CEP78: variants seen among roughly 807,000 people sequenced by gnomAD.
CEP78 encodes centrosomal protein of 78 kDa.
A neutral mutation model predicts 81.2 loss-of-function variants in CEP78; 76 were observed. That is an observed-to-expected ratio of 0.94 (90% CI 0.78 to 1.13). The LOEUF is 1.13. Among genes scored for constraint, CEP78 ranks in the 50% most tolerant of loss-of-function variants. The pLI is 0.00. For missense variants in CEP78, 918 were observed against 846.8 expected, an observed-to-expected ratio of 1.08 and a Z score of -1.04; for synonymous variants, 293 against 301.4, an observed-to-expected ratio of 0.97 and a Z score of 0.29.
At position 78,262,852 on chromosome 9, in the gene CEP78, T is replaced by A; in HGVS notation, c.1381-55T>A. 2.7e-6 allele frequency: 3 copies of A among 1,120,830 alleles called. No individual in the cohort carries two copies. In the South Asian group the frequency reaches 4.6e-5, roughly 17 times the overall value. The allele number at this position is 1,120,830 out of a possible 1,614,324, so 69.4% of individuals were successfully genotyped here. ...TGGTGAGCTCAACAGCTGGAAGAGT[T>A]TTGGGGATCATATTGGGAATTAATT... On this transcript the variant is annotated intron_variant, in intron 11 of 16. Coordinates refer to ENST00000643273, the MANE Select transcript of CEP78 (RefSeq NM_001330691.3).
At chr9:78,267,027 GTTTTTACCTTTAAA>G in intron 16 of CEP78, 1 of 1,268,796 alleles carries the variant, frequency 7.9e-7, no homozygotes. Flanking sequence ...TTGAAACTAT[GTTTTTACCTTTAAA>G]TTTTAATAAA....
At chr9:78,250,867 G>A (rs10867167) in intron 8 of CEP78, among the ~76,000 whole-genome samples, 22,022 of 152,138 alleles carry the variant, frequency 0.14, 2,165 homozygotes, top group Admixed American at 0.26. Context: ...TATAAGACGT[G>A]TATAAATTTG....
At chr9:78,236,626 G>A (rs1245156802) in intron 1 of CEP78, 23 bp downstream of exon 1, 2 of 1,517,862 alleles carry the variant, frequency 1.3e-6, no homozygotes, top group East Asian at 4.6e-5. Context: ...CGCCTCCAGG[G>A]CCCCTCAGTC....
At chr9:78,243,113 A>G (rs1826308694) in intron 4 of CEP78, among the ~76,000 whole-genome samples, 1 of 152,190 alleles carries the variant, frequency 6.6e-6, no homozygotes. Flanking sequence ...GGACAGAATG[A>G]TATGATTTAG....
rs1402786672 is a variant in CEP78, at chr9:78,236,501, C to T, written c.151C>T (p.Arg51Cys). The T allele has an allele frequency of 3.7e-6, 6 of 1,607,062 alleles. No homozygotes were observed. The highest frequency in any genetic ancestry group is 1.7e-5 in the Admixed American group (1 of 59,200). ...GCTGGATTTCAACGCCGACCGCCTC[C>T]GCGGGGTGGACTGGGCGCCTCTGCT... ...GVLDFNADRL[R>C]GVDWAPLLST... The change falls in exon 1 of 17, where the codon CGC becomes TGC. Residue 51 changes from arginine to cysteine, a missense_variant. Transcript: ENST00000643273.
At chr9:78,257,372 A>T (rs1457440296) in intron 11 of CEP78, among the ~76,000 whole-genome samples, 1 of 152,214 alleles carries the variant, frequency 6.6e-6, no homozygotes, top group African/African-American at 2.4e-5. Context: ...GGGGCTGAAT[A>T]GGACATTTTG....
intron 3 of CEP78, 78 bp downstream of exon 3, chr9:78,240,442 T>A: frequency 1.6e-6 from 2 of 1,226,076 alleles, no homozygotes; most frequent in Non-Finnish European, 2.4e-6. Context: ...AATTCCTGTC[T>A]GTACCTTTTT....
Position 78,274,003 on chromosome 9 carries a change from C to T in CEP78, c.*3152C>T, listed in dbSNP as rs938156448. The T allele has an allele frequency of 1.3e-5, 2 of 152,208 alleles. No homozygotes were observed. Among genetic ancestry groups the T allele is most frequent in the Non-Finnish European group, 2.9e-5 (2 of 68,044 alleles). The allele number at this position is 152,208 out of a possible 1,614,324, so 9.4% of individuals were successfully genotyped here. ...GTTTGGCAGATTCTTTAAATGCTAA[C>T]ATACACATACCATATGACCAAGCAG... On this transcript the variant is annotated 3_prime_UTR_variant, in exon 17 of 17. Transcript: ENST00000643273.
At chr9:78,237,415 A>T (rs902369504) in intron 1 of CEP78, among the ~76,000 whole-genome samples, 5 of 152,232 alleles carry the variant, frequency 3.3e-5, no homozygotes, top group African/African-American at 1.2e-4. Context: ...GTCAACTATG[A>T]TATATGACAA....
intron 11 of CEP78, among the ~76,000 whole-genome samples, chr9:78,257,669 T>A (rs1001461767): frequency 6.6e-6 from 1 of 152,114 alleles, no homozygotes. Flanking sequence ...TCTGTTGGCA[T>A]GAACATAAAA....
At chr9:78,236,740 TA>T in intron 1 of CEP78, 137 bp downstream of exon 1, 2 of 1,157,534 alleles carry the variant, frequency 1.7e-6, no homozygotes, top group Non-Finnish European at 2.3e-6. Context: ...GTGAGTGGCT[TA>T]AGGTCTCTAG....
chr9:78,265,526 C>T lies in CEP78; in HGVS notation c.1780C>T (p.Gln594Ter). The change falls in exon 14 of 17, where the codon CAA (glutamine) becomes TAA (stop). Residue 594 changes from glutamine to a stop codon, truncating the protein, a stop_gained. Transcript: ENST00000643273. LOFTEE classifies it high-confidence loss of function. ...KPEPKQNALGQMQNIQVSICM... is the reference protein window; with the variant it reads ...KPEPKQNALG The stretch of plus-strand genomic sequence containing the variant: ...AGAACCGAAGCAGAATGCCCTAGGG[C>T]AAATGCAAAATATCCAGGTAAATGA... The T allele has an allele frequency of 1.3e-6, 2 of 1,569,852 alleles. No homozygotes were observed. The highest frequency in any genetic ancestry group is 1.7e-6 in the Non-Finnish European group (2 of 1,157,184).
rs74484873 is a variant in CEP78, at chr9:78,272,782, A to C, written c.*1931A>C. The C allele has an allele frequency of 1.3e-5, 2 of 152,204 alleles. No homozygotes were observed. Among genetic ancestry groups the C allele is most frequent in the Non-Finnish European group, 2.9e-5 (2 of 68,040 alleles). The allele number at this position is 152,204 out of a possible 1,614,324, so 9.4% of individuals were successfully genotyped here. A position where few individuals can be genotyped will look rare whatever the true frequency, so the allele number is the denominator to read the frequency against. Reference sequence around the variant, plus strand: ...GGCTAGAGGCCCCTATTCAACATCAACCTCAATCTGGAAGCGAGGCTGGTG... The same window carrying C: ...GGCTAGAGGCCCCTATTCAACATCACCCTCAATCTGGAAGCGAGGCTGGTG... On this transcript the variant is annotated 3_prime_UTR_variant, in exon 17 of 17. Coordinates refer to ENST00000643273, the MANE Select transcript of CEP78 (RefSeq NM_001330691.3).
At chr9:78,237,061 A>G (rs919961078) in intron 1 of CEP78, among the ~76,000 whole-genome samples, 1 of 131,072 alleles carries the variant, frequency 7.6e-6, no homozygotes, top group African/African-American at 3.0e-5. Flanking sequence ...GCTCACTGCA[A>G]CCTCCGCCTC....
chr9:78,265,634 C>A, intron 14 of CEP78, 91 bp downstream of exon 14: 1 of 1,245,664 alleles, frequency 8.0e-7, no homozygotes, highest in Non-Finnish European at 1.1e-6. Context: ...ATGATCTGTG[C>A]ACATGCTCAG....
At chr9:78,268,017 T>A (rs923325844) in intron 16 of CEP78, among the ~76,000 whole-genome samples, 6 of 152,078 alleles carry the variant, frequency 3.9e-5, no homozygotes, top group African/African-American at 1.4e-4. Context: ...TAATCTTGGC[T>A]TTTTAACAGT....
rs1264760884 is a variant in CEP78, at chr9:78,242,056, TA to T, written c.603+260del. On this transcript the variant is annotated intron_variant, in intron 4 of 16. Coordinates refer to ENST00000643273, the MANE Select transcript of CEP78 (RefSeq NM_001330691.3). ...AATACAGTTTGTAAAACAGTAATTT[TA>T]AAGGTGCCTTAACAACTTTATAGTG... is the stretch of plus-strand genomic sequence containing the variant. Among the ~76,000 whole-genome samples, 4 of 152,228 alleles carry T rather than the reference TA, an allele frequency of 2.6e-5. No individual in the cohort carries two copies. In the East Asian group the frequency reaches 7.7e-4, roughly 29 times the overall value.
At position 78,236,539 on chromosome 9, in the gene CEP78, G is replaced by T. The variant is rs1240701633; in HGVS notation, c.189G>T (p.Lys63Asn). 2 of 1,603,498 alleles carry T rather than the reference G, an allele frequency of 1.2e-6. No individual in the cohort carries two copies. Among genetic ancestry groups the T allele is most frequent in the Non-Finnish European group, 1.7e-6 (2 of 1,175,062 alleles). The change falls in exon 1 of 17, where the codon AAG becomes AAT. Residue 63 changes from lysine (K) to asparagine (N), a missense_variant. Physicochemically the swap from Lys to Asn is moderately conservative, Grantham distance 94. Coordinates refer to ENST00000643273, the MANE Select transcript of CEP78 (RefSeq NM_001330691.3). ...VDWAPLLSTLKINKDLPLVSI... is the reference protein window; with the variant it reads ...VDWAPLLSTLNINKDLPLVSI... ...GGGCGCCTCTGCTGAGCACCCTCAAGATCAATAAAGACCTGCCCTTGGTCT... is the reference window on the plus strand; with the variant it reads ...GGGCGCCTCTGCTGAGCACCCTCAATATCAATAAAGACCTGCCCTTGGTCT...
intron 14 of CEP78, 126 bp from the exon 15 acceptor site, chr9:78,265,733 A>G: frequency 1.3e-6 from 1 of 754,508 alleles, no homozygotes; most frequent in Middle Eastern, 3.3e-4. Flanking sequence ...TAAATAAAAA[A>G]TAAGAAAGTT....
Sources: gnomAD v4.1 joint callset for allele counts (sites outside exome capture counted in the v4.1 genomes callset) on GRCh38, gnomAD v4.1.1 for gene constraint, MANE v1.5 for transcripts, NCBI Gene and HGNC (gene_info 2026-07-23, HGNC 2026-07-21) for gene names.